WDR43: variants seen among roughly 807,000 people sequenced by gnomAD.
WDR43 encodes the protein WD repeat-containing protein 43.
In WDR43, 13 loss-of-function variants were observed where a neutral mutation model predicts 91.4. That is an observed-to-expected ratio of 0.14 (90% CI 0.09 to 0.23). The LOEUF (loss-of-function observed/expected upper bound fraction) is 0.23. Among genes scored for constraint, WDR43 ranks in the 10% least tolerant of loss-of-function variants. WDR43 has a pLI of 1.00. For missense variants in WDR43, 780 were observed against 809.4 expected (o/e 0.96, Z 0.44); for synonymous variants, 331 against 287.9 (o/e 1.15, Z -1.51).
intron 8 of WDR43, 41 bp downstream of exon 8, chr2:28,925,194 C>T (rs1671105675): frequency 1.3e-6 from 2 of 1,535,118 alleles, no homozygotes; most frequent in African/African-American, 2.8e-5. Flanking sequence ...TATAGCATCC[C>T]TGTGTCCATG....
In WDR43 at chr2:28,923,784, G is replaced by A. The variant is rs535647678; in HGVS notation, c.914+801G>A. On this transcript the variant is annotated intron_variant, in intron 7 of 17. Transcript: ENST00000407426. ...TTGAAGCTTTTATTTATAGAAGGAT[G>A]TGTGTACCTGGAATGTATAATTGAG... Among the ~76,000 whole-genome samples, 6 of 152,178 alleles carry A rather than the reference G, an allele frequency of 3.9e-5. No homozygotes were observed. The South Asian group carries it at 1.2e-3, about 32-fold the overall frequency.
intron 9 of WDR43, 116 bp downstream of exon 9, chr2:28,926,670 C>G: frequency 1.1e-6 from 1 of 892,936 alleles, no homozygotes. Context: ...TCTTTATTCT[C>G]TTGTCTTATA....
chr2:28,931,947 G>GTA (rs1671256103), intron 11 of WDR43, among the ~76,000 whole-genome samples: 1 of 130,440 alleles, frequency 7.7e-6, no homozygotes, highest in Non-Finnish European at 1.6e-5. Context: ...TGTTGCAATT[G>GTA]TAGCTCACTG....
At chr2:28,941,903 C>T (rs996191594) in intron 15 of WDR43, among the ~76,000 whole-genome samples, 5 of 152,084 alleles carry the variant, frequency 3.3e-5, no homozygotes, top group African/African-American at 1.2e-4. Context: ...CTGAGAGCTC[C>T]CTGTTTCAGT....
Position 28,942,393 on chromosome 2 carries a change from G to A in WDR43, c.1804+12G>A, listed in dbSNP as rs773108669. On this transcript the variant is annotated intron_variant, in intron 16 of 17. Transcript: ENST00000407426. ...GGTGTATGAAGAAGGTAAAGACTGG[G>A]GGAATGGGATGGAGTCTAGAATTAT... The A allele has an allele frequency of 6.2e-7, 1 of 1,612,370 alleles. No individual in the cohort carries two copies. Among genetic ancestry groups the A allele is most frequent in the African/African-American group, 1.3e-5 (1 of 75,020 alleles).
chr2:28,934,819 C>G (rs532672978), intron 11 of WDR43, among the ~76,000 whole-genome samples: 1 of 152,292 alleles, frequency 6.6e-6, no homozygotes, highest in Non-Finnish European at 1.5e-5. Flanking sequence ...ACAACCATCA[C>G]CAACAAATAC....
At chr2:28,937,831 C>A in intron 13 of WDR43, 100 bp from the exon 14 acceptor site, 1 of 1,110,022 alleles carries the variant, frequency 9.0e-7, no homozygotes, top group Non-Finnish European at 1.3e-6. Context: ...CACAGAGCAA[C>A]ATTTATAGAC....
chr2:28,941,837 C>G (rs1671443120), intron 15 of WDR43, among the ~76,000 whole-genome samples: 1 of 152,118 alleles, frequency 6.6e-6, no homozygotes, highest in African/African-American at 2.4e-5. Context: ...TCAAGGGATC[C>G]TACCACCTTG....
intron 2 of WDR43, among the ~76,000 whole-genome samples, chr2:28,904,807 TA>T (rs1200534255): frequency 6.6e-6 from 1 of 152,260 alleles, no homozygotes; most frequent in Non-Finnish European, 1.5e-5. Context: ...TATTTCCAAG[TA>T]GCTTTAGTAA....
chr2:28,922,457 G>A (rs1239634437), intron 6 of WDR43, among the ~76,000 whole-genome samples: 1 of 152,142 alleles, frequency 6.6e-6, no homozygotes, highest in Non-Finnish European at 1.5e-5. Context: ...GAGAGGCAGC[G>A]AGGGCTTACA....
chr2:28,911,589 C>G (rs185191610), intron 3 of WDR43, among the ~76,000 whole-genome samples: 5 of 152,032 alleles, frequency 3.3e-5, no homozygotes, highest in Admixed American at 6.6e-5. Context: ...CCACCGCGCC[C>G]AGCCTCTTAA....
In WDR43 at chr2:28,927,562, T is replaced by C; in HGVS notation, c.1174-7T>C. 1 of 1,611,986 alleles carries C rather than the reference T, an allele frequency of 6.2e-7. No homozygotes were observed. The highest frequency in any genetic ancestry group is 8.5e-7 in the Non-Finnish European group (1 of 1,178,308). On this transcript the variant is annotated splice_region_variant and splice_polypyrimidine_tract_variant and intron_variant, in intron 9 of 17. Transcript: ENST00000407426. ...TTTTTCACACTTTGGCTATTCCTGT[T>C]GAACAGGTGAGGACACCAGTGATGA...
In WDR43 at chr2:28,929,570, G is replaced by A. The variant is rs760318921; in HGVS notation, c.1306-9G>A. ...TGGTAACACATTAACAATCCTTTCT[G>A]TTCTGTAGGTTAGCATTGAAGAACG... is the stretch of plus-strand genomic sequence containing the variant. On this transcript the variant is annotated splice_polypyrimidine_tract_variant and intron_variant, in intron 10 of 17. Coordinates refer to ENST00000407426, the MANE Select transcript of WDR43 (RefSeq NM_015131.3). The A allele has an allele frequency of 6.2e-7, 1 of 1,600,732 alleles. No homozygotes were observed. The highest frequency in any genetic ancestry group is 8.5e-7 in the Non-Finnish European group (1 of 1,174,336).
intron 3 of WDR43, among the ~76,000 whole-genome samples, chr2:28,908,286 C>T (rs1189239159): frequency 6.6e-6 from 1 of 151,970 alleles, no homozygotes; most frequent in Non-Finnish European, 1.5e-5. Context: ...AAGATAAGAC[C>T]CAGCAGACAG....
At chr2:28,917,832 G>C in intron 5 of WDR43, 61 bp from the exon 6 acceptor site, 3 of 1,460,878 alleles carry the variant, frequency 2.1e-6, no homozygotes, top group Non-Finnish European at 2.8e-6. Flanking sequence ...TTAGGTGTTT[G>C]CCTTTTTAGG....
At chr2:28,909,659 GCTTAGGAGTT>G (rs1670752300) in intron 3 of WDR43, among the ~76,000 whole-genome samples, 1 of 152,134 alleles carries the variant, frequency 6.6e-6, no homozygotes, top group African/African-American at 2.4e-5. Flanking sequence ...GATTGCTTGA[GCTTAGGAGTT>G]CGAGACTGTC....
intron 1 of WDR43, among the ~76,000 whole-genome samples, chr2:28,895,568 C>T (rs997673503): frequency 2.0e-5 from 3 of 151,692 alleles, no homozygotes; most frequent in Non-Finnish European, 4.4e-5. Context: ...TCAAGCCGAT[C>T]ACACTGCTCC....
chr2:28,941,672 T>A lies in WDR43; in HGVS notation c.1734+98T>A, dbSNP rs1671439774. On this transcript the variant is annotated intron_variant, in intron 15 of 17. Transcript: ENST00000407426. ...TTGAGACAGGGTCTTGCTCTGTCGC[T>A]CAGGCTGCACTGCGGTAGCATGATC... The A allele has an allele frequency of 6.4e-6, 6 of 931,098 alleles. No individual in the cohort carries two copies. In the East Asian group the frequency reaches 1.6e-4, roughly 25 times the overall value. The allele number at this position is 931,098 out of a possible 1,614,324, so 57.7% of individuals were successfully genotyped here.
rs1671577913 is a variant in WDR43, at chr2:28,947,881, T to A, written c.*1102T>A. On this transcript the variant is annotated 3_prime_UTR_variant, in exon 18 of 18. Transcript: ENST00000407426. ...CAGTAGTAGTTTTTTTTTTTTTTTT[T>A]TTTTTTTTAAAGAATGAGCCGATAT... 6.7e-6 allele frequency: 1 copy of A among 149,778 alleles called. No individual in the cohort carries two copies. Among genetic ancestry groups the A allele is most frequent in the Admixed American group, 6.6e-5 (1 of 15,052 alleles). The allele number at this position is 149,778 out of a possible 1,614,324, so 9.3% of individuals were successfully genotyped here. A position where few individuals can be genotyped will look rare whatever the true frequency, so the allele number is the denominator to read the frequency against.
Sources: gnomAD v4.1 joint callset for allele counts (sites outside exome capture counted in the v4.1 genomes callset) on GRCh38, gnomAD v4.1.1 for gene constraint, MANE v1.5 for transcripts, NCBI Gene and HGNC (gene_info 2026-07-23, HGNC 2026-07-21) for gene names.